The following EHBP1 variants were observed in gnomAD, a reference collection of about 807,000 sequenced individuals.
The protein encoded by EHBP1 is EH domain binding protein 1, also known as EH domain-binding protein 1.
In EHBP1, 55 loss-of-function variants were observed where a neutral mutation model predicts 144.0. The observed-to-expected ratio is 0.38, with a 90% CI of 0.31 to 0.48. The LOEUF (loss-of-function observed/expected upper bound fraction) is 0.48, where lower values mean the gene tolerates loss of function less well. Among genes scored for constraint, EHBP1 ranks in the 20% least tolerant of loss-of-function variants. EHBP1 has a pLI of 0.98. For synonymous variants in EHBP1, 469 were observed against 472.7 expected (o/e 0.99, Z 0.10); for missense variants, 1,200 against 1,364.2 (o/e 0.88, Z 1.90).
At chr2:62,841,390 A>C (rs1169304177) in intron 7 of EHBP1, among the ~76,000 whole-genome samples, 1 of 151,550 alleles carries the variant, frequency 6.6e-6, no homozygotes, top group Non-Finnish European at 1.5e-5. Context: ...ACCTAATGCT[A>C]GATGACGAGT....
At chr2:62,727,968 A>G (rs938012496) in intron 2 of EHBP1, among the ~76,000 whole-genome samples, 4 of 152,214 alleles carry the variant, frequency 2.6e-5, no homozygotes, top group Non-Finnish European at 5.9e-5. Context: ...CACGATTGAC[A>G]TCAGGGGTGA....
At chr2:63,043,685 G>A (rs1277788097) in intron 21 of EHBP1, among the ~76,000 whole-genome samples, 3 of 151,992 alleles carry the variant, frequency 2.0e-5, no homozygotes, top group Non-Finnish European at 4.4e-5. Flanking sequence ...GCTTTGGAGG[G>A]GGTCGGGGGG....
intron 10 of EHBP1, chr2:62,939,810 G>C (rs1490413256): frequency 1.2e-5 from 2 of 167,988 alleles, no homozygotes; most frequent in South Asian, 1.5e-4. Flanking sequence ...ACAACAAAGA[G>C]ATTAATATGA....
Position 62,949,030 on chromosome 2 carries a change from A to G in EHBP1, c.2184A>G (p.Lys728=). ...AAACAAGTTTATCTCCTACTTCTAA[A>G]CTTGGATACTCATATAGTAGAGATC... is the stretch of plus-strand genomic sequence containing the variant. The part of the protein sequence containing the change: ...IKKTSLSPTS[K]LGYSYSRDLD... The change falls in exon 13 of 23, where the codon AAA becomes AAG. Residue 728 remains lysine, a synonymous_variant. Coordinates refer to ENST00000431489, the MANE Select transcript of EHBP1 (RefSeq NM_001142616.3). 6.2e-7 allele frequency: 1 copy of G among 1,613,860 alleles called. No homozygotes were observed. Among genetic ancestry groups the G allele is most frequent in the South Asian group, 1.1e-5 (1 of 91,050 alleles).
At chr2:63,015,795 G>A (rs985872382) in intron 19 of EHBP1, among the ~76,000 whole-genome samples, 1 of 152,056 alleles carries the variant, frequency 6.6e-6, no homozygotes, top group African/African-American at 2.4e-5. Flanking sequence ...AATTTAAAAA[G>A]TGAAGGTGTG....
intron 15 of EHBP1, among the ~76,000 whole-genome samples, chr2:62,988,945 T>C (rs924417685): frequency 1.3e-5 from 2 of 152,130 alleles, no homozygotes; most frequent in Non-Finnish European, 2.9e-5. Flanking sequence ...ATACTATTAT[T>C]ACTTCAATAA....
chr2:62,806,346 C>T (rs899353361), intron 5 of EHBP1, among the ~76,000 whole-genome samples: 2 of 151,808 alleles, frequency 1.3e-5, no homozygotes, highest in Non-Finnish European at 2.9e-5. Context: ...CACTCTTCTA[C>T]TTTTTGTGGT....
intron 5 of EHBP1, among the ~76,000 whole-genome samples, chr2:62,800,477 C>G (rs1469044502): frequency 2.0e-5 from 3 of 151,978 alleles, no homozygotes; most frequent in Non-Finnish European, 4.4e-5. Flanking sequence ...CTAAGATTTG[C>G]TGGTTAAATA....
chr2:63,024,418 C>G (rs1351698235), intron 19 of EHBP1, among the ~76,000 whole-genome samples: 1 of 151,978 alleles, frequency 6.6e-6, no homozygotes, highest in Non-Finnish European at 1.5e-5. Context: ...AGCTGGGCAA[C>G]ACAGCAATAC....
At chr2:62,842,225 C>A (rs1157460918) in intron 7 of EHBP1, among the ~76,000 whole-genome samples, 1 of 151,936 alleles carries the variant, frequency 6.6e-6, no homozygotes, top group Admixed American at 6.6e-5. Context: ...TAGCTGGGAT[C>A]ACAGGCGTGT....
intron 6 of EHBP1, among the ~76,000 whole-genome samples, chr2:62,828,261 T>A (rs2046489708): frequency 6.6e-6 from 1 of 152,194 alleles, no homozygotes; most frequent in Non-Finnish European, 1.5e-5. Flanking sequence ...TTTCTGAATT[T>A]GGGGGAAGTA....
At chr2:62,922,912 A>G (rs892060285) in intron 10 of EHBP1, among the ~76,000 whole-genome samples, 2 of 152,164 alleles carry the variant, frequency 1.3e-5, no homozygotes, top group African/African-American at 4.8e-5. Flanking sequence ...ACACCTTACA[A>G]CAGTATAGTT....
intron 5 of EHBP1, among the ~76,000 whole-genome samples, chr2:62,785,822 C>T (rs1196876470): frequency 1.3e-5 from 2 of 152,120 alleles, no homozygotes; most frequent in Admixed American, 1.3e-4. Flanking sequence ...TACTGTAATA[C>T]CATTCCAGTC....
At chr2:62,873,636 G>GAAT (rs1248184747) in intron 9 of EHBP1, among the ~76,000 whole-genome samples, 1 of 152,036 alleles carries the variant, frequency 6.6e-6, no homozygotes, top group East Asian at 1.9e-4. Flanking sequence ...GTCTGAAACA[G>GAAT]AATAAATCCA....
At chr2:62,855,470 A>G (rs1453881016) in intron 7 of EHBP1, among the ~76,000 whole-genome samples, 1 of 152,056 alleles carries the variant, frequency 6.6e-6, no homozygotes, top group Non-Finnish European at 1.5e-5. Flanking sequence ...TAGAAGGAGG[A>G]AGGTCTCTGG....
chr2:62,943,945 T>G (rs2056920112), intron 12 of EHBP1, 95 bp downstream of exon 12: 4 of 824,694 alleles, frequency 4.9e-6, no homozygotes, highest in Admixed American at 4.7e-5. Flanking sequence ...TTTTATGAGG[T>G]CATAACTACA....
chr2:62,793,537 AAGT>A (rs1227554448), intron 5 of EHBP1, among the ~76,000 whole-genome samples: 1 of 152,136 alleles, frequency 6.6e-6, no homozygotes, highest in Admixed American at 6.6e-5. Flanking sequence ...ATATGTCAAC[AAGT>A]AGATCATATA....
At chr2:62,790,768 A>C (rs1281487523) in intron 5 of EHBP1, among the ~76,000 whole-genome samples, 1 of 152,096 alleles carries the variant, frequency 6.6e-6, no homozygotes, top group East Asian at 1.9e-4. Flanking sequence ...GTACCCATCA[A>C]TGAAATATCC....
intron 5 of EHBP1, among the ~76,000 whole-genome samples, chr2:62,792,345 T>C (rs977251047): frequency 1.3e-5 from 2 of 152,060 alleles, no homozygotes; most frequent in African/African-American, 4.8e-5. Flanking sequence ...TCTTTTTAAA[T>C]AGCTGCTTCT....
Sources: allele counts gnomAD v4.1 joint callset (sites outside exome capture counted in the v4.1 genomes callset), GRCh38; gene constraint gnomAD v4.1.1; transcripts MANE v1.5; gene names NCBI Gene and HGNC (gene_info 2026-07-23, HGNC 2026-07-21).